NOD2: variants seen among roughly 807,000 people sequenced by gnomAD.
NOD2 encodes nucleotide-binding oligomerization domain-containing protein 2.
In NOD2, 86 loss-of-function variants were observed where a neutral mutation model predicts 90.9. The observed-to-expected ratio is 0.95, with a 90% CI of 0.79 to 1.13. The LOEUF (loss-of-function observed/expected upper bound fraction) is 1.13. Among genes scored for constraint, NOD2 ranks in the 50% most tolerant of loss-of-function variants. The pLI, the probability that NOD2 is intolerant of heterozygous loss-of-function variation, is 0.00. For synonymous variants in NOD2, 581 were observed against 554.6 expected, an observed-to-expected ratio of 1.05 and a Z score of -0.67; for missense variants, 1,238 against 1,283.8, an observed-to-expected ratio of 0.96 and a Z score of 0.55.
At chr16:50,708,516 G>A (rs1964307981) in intron 3 of NOD2, among the ~76,000 whole-genome samples, 1 of 152,230 alleles carries the variant, frequency 6.6e-6, no homozygotes, top group Non-Finnish European at 1.5e-5. Context: ...GAAGTAGGTG[G>A]TGTTTTTTTC....
At chr16:50,716,548 C>T (rs1434473525) in intron 4 of NOD2, 39 bp from the exon 5 acceptor site, 1 of 1,566,962 alleles carries the variant, frequency 6.4e-7, no homozygotes, top group South Asian at 1.1e-5. Flanking sequence ...TCTTGTCTTA[C>T]TAGCTCCATT....
intron 10 of NOD2, among the ~76,000 whole-genome samples, chr16:50,726,776 A>G (rs1965281112): frequency 6.6e-6 from 1 of 152,248 alleles, no homozygotes; most frequent in Admixed American, 6.5e-5. Flanking sequence ...AACTTCTGAT[A>G]TATCTTTTAT....
At chr16:50,724,292 T>C (rs1965190821) in intron 9 of NOD2, among the ~76,000 whole-genome samples, 1 of 152,238 alleles carries the variant, frequency 6.6e-6, no homozygotes, top group Non-Finnish European at 1.5e-5. Context: ...TATGATTGAT[T>C]CTATCCTGAC....
Position 50,710,846 on chromosome 16 carries a change from T to C in NOD2, c.854T>C (p.Leu285Pro). 1 of 1,614,116 alleles carries C rather than the reference T, an allele frequency of 6.2e-7. No homozygotes were observed. The highest frequency in any genetic ancestry group is 2.2e-5 in the East Asian group (1 of 44,882). Residue 285 changes from leucine to proline, a missense_variant, in exon 4 of 12, where the codon CTG becomes CCG. Transcript: ENST00000647318. ...GGCAAGAGCACGCTCCTGCAGCGGCTGCACTTGCTGTGGGCTGCAGGGCAA... is the reference window on the plus strand; with the variant it reads ...GGCAAGAGCACGCTCCTGCAGCGGCCGCACTTGCTGTGGGCTGCAGGGCAA... ...GSGKSTLLQR[L>P]HLLWAAGQDF...
At chr16:50,709,186 A>G (rs1195414067) in intron 3 of NOD2, among the ~76,000 whole-genome samples, 5 of 152,152 alleles carry the variant, frequency 3.3e-5, no homozygotes, top group African/African-American at 1.2e-4. Context: ...AAGTTCAGGG[A>G]TCCTGGTATA....
chr16:50,717,913 T>G (rs1448152739), intron 6 of NOD2, among the ~76,000 whole-genome samples: 1 of 152,248 alleles, frequency 6.6e-6, no homozygotes, highest in Non-Finnish European at 1.5e-5. Context: ...CCCCAGTGGA[T>G]GCCTGAAACC....
At chr16:50,729,796 A>T in intron 10 of NOD2, 22 bp from the exon 11 acceptor site, 1 of 1,599,030 alleles carries the variant, frequency 6.3e-7, no homozygotes. Context: ...CTTGAAGCTC[A>T]CCATTGTATC....
At chr16:50,723,206 C>T in intron 8 of NOD2, 95 bp from the exon 9 acceptor site, 1 of 910,222 alleles carries the variant, frequency 1.1e-6, no homozygotes. Flanking sequence ...ATGGAGCAGA[C>T]CAGGAGAGCA....
rs957070137 is a variant in NOD2, at chr16:50,732,967, A to T, written c.*1148A>T. The T allele has an allele frequency of 3.9e-5, 6 of 152,374 alleles. No individual in the cohort carries two copies. The highest frequency in any genetic ancestry group is 1.4e-4 in the African/African-American group (6 of 41,454). 9.4% of individuals were successfully genotyped at this position (152,374 alleles called of 1,614,324 possible). Reference sequence around the variant, plus strand: ...TTATGATGTGTGAAAACTGGTTAATATTTATAGGTCACTTTGTTTTACTGT... The same window carrying T: ...TTATGATGTGTGAAAACTGGTTAATTTTTATAGGTCACTTTGTTTTACTGT... On this transcript the variant is annotated 3_prime_UTR_variant, in exon 12 of 12. Coordinates refer to ENST00000647318, the MANE Select transcript of NOD2 (RefSeq NM_001370466.1).
At chr16:50,714,888 A>AAG (rs370750269) in intron 4 of NOD2, among the ~76,000 whole-genome samples, 49 of 151,732 alleles carry the variant, frequency 3.2e-4, no homozygotes, top group Non-Finnish European at 5.2e-4. Context: ...ATGATTGAGA[A>AAG]AGAGAGAGAG....
At position 50,711,512 on chromosome 16, in the gene NOD2, G is replaced by A. The variant is rs139663808; in HGVS notation, c.1520G>A (p.Gly507Asp). The change falls in exon 4 of 12, where the codon GGT becomes GAT. Residue 507 changes from glycine (G) to aspartate (D), a missense_variant. Physicochemically the swap from Gly to Asp is moderately conservative, Grantham distance 94. Around this residue, in one of 3 missense-constraint regions of NOD2, gnomAD observed 667 missense variants for 688.7 expected, o/e 0.97. Transcript: ENST00000647318. Reference protein sequence around the residue: ...HATPPDSASQGLGPSLLRGRL... With the variant: ...HATPPDSASQDLGPSLLRGRL... ...ACCCCCCCAGACTCAGCTTCCCAAG[G>A]TCTGGGACCCAGTCTTCTTCGGGGC... 8.1e-6 allele frequency: 13 copies of A among 1,613,282 alleles called. No homozygotes were observed. Among genetic ancestry groups the A allele is most frequent in the Non-Finnish European group, 1.1e-5 (13 of 1,180,004 alleles).
chr16:50,714,602 C>CTGTGTGTGTGTGTGTG (rs67559630), intron 4 of NOD2, among the ~76,000 whole-genome samples: 1 of 135,896 alleles, frequency 7.4e-6, no homozygotes, highest in Non-Finnish European at 1.6e-5. Context: ...TGTGAGTGCA[C>CTGTGTGTGTGTGTGTG]TGTGTGTGTG....
intron 1 of NOD2, among the ~76,000 whole-genome samples, chr16:50,698,860 C>CCCCT (rs1963786968): frequency 6.6e-6 from 1 of 152,076 alleles, no homozygotes; most frequent in Non-Finnish European, 1.5e-5. Flanking sequence ...CATGAAAGAG[C>CCCCT]CCCTCTCACC....
chr16:50,708,285 CAT>C (rs1176745240), intron 3 of NOD2, among the ~76,000 whole-genome samples: 1 of 152,188 alleles, frequency 6.6e-6, no homozygotes, highest in Non-Finnish European at 1.5e-5. Context: ...GATATGGACA[CAT>C]GTTTTGAGTT....
intron 1 of NOD2, chr16:50,697,621 C>A: frequency 2.3e-6 from 1 of 441,354 alleles, no homozygotes; most frequent in South Asian, 2.1e-5. Context: ...ACCCTCTTGG[C>A]TCCTCTGCTT....
rs547264433 is a variant in NOD2 at position 50,732,002 on chromosome 16, C to T, written c.*183C>T. On this transcript the variant is annotated 3_prime_UTR_variant, in exon 12 of 12. Coordinates refer to ENST00000647318, the MANE Select transcript of NOD2 (RefSeq NM_001370466.1). ...CTGGCAGAGGAGGGAGCATCAGTGC[C>T]CTCCAGGATAGACTTTTCCCAAGCC... The T allele has an allele frequency of 4.7e-5, 30 of 640,200 alleles. 1 individual carries two copies. The South Asian group carries it at 4.7e-4, about 10-fold the overall frequency. 39.7% of individuals were successfully genotyped at this position (640,200 alleles called of 1,614,324 possible). A position where few individuals can be genotyped will look rare whatever the true frequency, so the allele number is the denominator to read the frequency against.
chr16:50,698,677 G>T (rs1473152226), intron 1 of NOD2, among the ~76,000 whole-genome samples: 1 of 152,146 alleles, frequency 6.6e-6, no homozygotes, highest in East Asian at 1.9e-4. Context: ...TTAGCTTCTT[G>T]GTGCCTCAGT....
chr16:50,731,562 T>A (rs2150846018), intron 11 of NOD2, among the ~76,000 whole-genome samples, 185 bp from the exon 12 acceptor site: 1 of 152,318 alleles, frequency 6.6e-6, no homozygotes, highest in African/African-American at 2.4e-5. Flanking sequence ...TTGTTCAGAA[T>A]GCTTCCTGAG....
rs1249578378 is a variant in NOD2 at position 50,711,263 on chromosome 16, G to A, written c.1271G>A (p.Gly424Asp). Residue 424 changes from glycine (G) to aspartate (D), a missense_variant, in exon 4 of 12, where the codon GGC becomes GAC. Transcript: ENST00000647318. ...EFNLKGFSEQ[G>D]IELYLRKRHH... ...AACCTCAAGGGCTTCTCTGAACAGG[G>A]CATCGAGCTGTACCTGAGGAAGCGC... The A allele has an allele frequency of 6.2e-7, 1 of 1,613,790 alleles. No homozygotes were observed. Among genetic ancestry groups the A allele is most frequent in the Non-Finnish European group, 8.5e-7 (1 of 1,180,022 alleles).
Sources: allele counts gnomAD v4.1 joint callset (sites outside exome capture counted in the v4.1 genomes callset), GRCh38; gene constraint gnomAD v4.1.1; regional missense constraint gnomAD v4.1.1; transcripts MANE v1.5; gene names NCBI Gene and HGNC (gene_info 2026-07-23, HGNC 2026-07-21).